Variants in JARID2 observed in about 807,000 individuals in gnomAD.
JARID2 encodes the protein jumonji and AT-rich interaction domain containing 2, also known as protein Jumonji.
JARID2 carries 21 observed loss-of-function variants against 125.6 expected under a neutral mutation model. That is an observed-to-expected ratio of 0.17 (90% CI 0.12 to 0.24). The LOEUF (loss-of-function observed/expected upper bound fraction) is 0.24, where lower values mean the gene tolerates loss of function less well. JARID2 is among the 10% of genes least tolerant of loss of function. The probability of loss-of-function intolerance (pLI) is 1.00; values close to 1 mark genes in which losing one functional copy is unlikely to be tolerated. For synonymous variants in JARID2, 736 were observed against 661.6 expected (o/e 1.11, Z -1.73); for missense variants, 1,303 against 1,639.6 (o/e 0.79, Z 3.55).
intron 9 of JARID2, 65 bp downstream of exon 9, chr6:15,504,657 A>G: frequency 9.5e-7 from 1 of 1,049,650 alleles, no homozygotes; most frequent in Non-Finnish European, 1.5e-6. Flanking sequence ...GCTGGAGGAC[A>G]TCCTGTCCTG....
intron 13 of JARID2, among the ~76,000 whole-genome samples, chr6:15,511,904 G>A (rs1316504428): frequency 1.3e-5 from 2 of 152,216 alleles, no homozygotes; most frequent in Admixed American, 1.3e-4. Flanking sequence ...TGGCTCTGGA[G>A]ATGAGCCCGG....
chr6:15,496,056 C>T, intron 6 of JARID2, 76 bp from the exon 7 acceptor site: 3 of 1,262,296 alleles, frequency 2.4e-6, no homozygotes, highest in South Asian at 2.8e-5. Context: ...GGTCCTTTCT[C>T]ACGGGTGGGC....
chr6:15,410,499 G>T, intron 3 of JARID2, 134 bp downstream of exon 3: 1 of 820,760 alleles, frequency 1.2e-6, no homozygotes, highest in Non-Finnish European at 1.9e-6. Flanking sequence ...GAATCATGAG[G>T]TTTCGTATCA....
intron 16 of JARID2, among the ~76,000 whole-genome samples, chr6:15,515,939 G>A (rs542046896): frequency 6.7e-6 from 1 of 149,426 alleles, no homozygotes; most frequent in South Asian, 2.1e-4. Flanking sequence ...GGAGGTGGAG[G>A]TTGCAGTGAG....
chr6:15,310,144 A>G (rs2127425324), intron 1 of JARID2, among the ~76,000 whole-genome samples: 1 of 152,256 alleles, frequency 6.6e-6, no homozygotes, highest in East Asian at 1.9e-4. Context: ...TGAATTCCAG[A>G]TAGGTAATTT....
At chr6:15,274,539 T>C (rs981214949) in intron 1 of JARID2, among the ~76,000 whole-genome samples, 1 of 152,244 alleles carries the variant, frequency 6.6e-6, no homozygotes, top group East Asian at 1.9e-4. Context: ...TCCAAATTTA[T>C]TTTCCTTCAT....
chr6:15,410,395 C>A, intron 3 of JARID2, 30 bp downstream of exon 3: 1 of 1,607,176 alleles, frequency 6.2e-7, no homozygotes, highest in Admixed American at 1.7e-5. Flanking sequence ...AATATTGGTA[C>A]CTTCAACCAG....
intron 1 of JARID2, among the ~76,000 whole-genome samples, chr6:15,370,868 G>A (rs947633082): frequency 6.6e-6 from 1 of 152,158 alleles, no homozygotes; most frequent in Non-Finnish European, 1.5e-5. Flanking sequence ...GAGAAAGGCA[G>A]CTTAATTGGG....
chr6:15,453,917 A>C (rs1768033814), intron 4 of JARID2, among the ~76,000 whole-genome samples: 1 of 152,138 alleles, frequency 6.6e-6, no homozygotes, highest in Non-Finnish European at 1.5e-5. Flanking sequence ...TGAGGAGCCA[A>C]GATCTGGGCA....
At chr6:15,377,029 T>C (rs1764381632) in intron 2 of JARID2, among the ~76,000 whole-genome samples, 1 of 152,136 alleles carries the variant, frequency 6.6e-6, no homozygotes, top group South Asian at 2.1e-4. Context: ...TGCTGAAAAA[T>C]CCCTTTAGTT....
intron 1 of JARID2, among the ~76,000 whole-genome samples, chr6:15,293,417 CA>C (rs1283038521): frequency 5.9e-5 from 9 of 152,164 alleles, no homozygotes; most frequent in African/African-American, 2.2e-4. Context: ...TCCATCTCAA[CA>C]AAAACCCAAA....
At chr6:15,290,359 C>T (rs1761159820) in intron 1 of JARID2, among the ~76,000 whole-genome samples, 1 of 152,152 alleles carries the variant, frequency 6.6e-6, no homozygotes, top group South Asian at 2.1e-4. Flanking sequence ...GTGTTCAAGA[C>T]TCTTTGTAGT....
chr6:15,521,286 T>A lies in JARID2; in HGVS notation c.*1035T>A, dbSNP rs773686969. 1 of 152,146 alleles carries A rather than the reference T, an allele frequency of 6.6e-6. No individual in the cohort carries two copies. Among genetic ancestry groups the A allele is most frequent in the Non-Finnish European group, 1.5e-5 (1 of 68,098 alleles). The allele number at this position is 152,146 out of a possible 1,614,324, so 9.4% of individuals were successfully genotyped here. A position where few individuals can be genotyped will look rare whatever the true frequency, so the allele number is the denominator to read the frequency against. On this transcript the variant is annotated 3_prime_UTR_variant, in exon 18 of 18. Coordinates refer to ENST00000341776, the MANE Select transcript of JARID2 (RefSeq NM_004973.4). ...CTGCAGTTATTTTTGAATGTGAAAATGCATTTGCGTTCATCTTGTCTATTT... is the reference window on the plus strand; with the variant it reads ...CTGCAGTTATTTTTGAATGTGAAAAAGCATTTGCGTTCATCTTGTCTATTT...
intron 1 of JARID2, among the ~76,000 whole-genome samples, chr6:15,345,379 T>C (rs1037093968): frequency 1.3e-5 from 2 of 152,128 alleles, no homozygotes; most frequent in Non-Finnish European, 2.9e-5. Flanking sequence ...CAATTACGAG[T>C]TGCACCTCAG....
At position 15,521,775 on chromosome 6, in the gene JARID2, A is replaced by AT. The variant is rs1771869365; in HGVS notation, c.*1527dup. On this transcript the variant is annotated 3_prime_UTR_variant, in exon 18 of 18. Coordinates refer to ENST00000341776, the MANE Select transcript of JARID2 (RefSeq NM_004973.4). ...GCAGAAGACTGAACTGTTTTGGAAT[A>AT]TTTAACAATTACAGAAACAGTCAAG... 1 of 152,218 alleles carries AT rather than the reference A, an allele frequency of 6.6e-6. No individual in the cohort carries two copies. Among genetic ancestry groups the AT allele is most frequent in the African/African-American group, 2.4e-5 (1 of 41,448 alleles). 9.4% of individuals were successfully genotyped at this position (152,218 alleles called of 1,614,324 possible).
chr6:15,396,380 T>TA (rs1263271466), intron 2 of JARID2, among the ~76,000 whole-genome samples: 1 of 152,252 alleles, frequency 6.6e-6, no homozygotes, highest in Non-Finnish European at 1.5e-5. Flanking sequence ...GCAGAAGTCT[T>TA]ATGATTTTTC....
chr6:15,251,653 T>C (rs1034203982), intron 1 of JARID2, among the ~76,000 whole-genome samples: 1 of 152,188 alleles, frequency 6.6e-6, no homozygotes, highest in African/African-American at 2.4e-5. Context: ...GGGCTTATTA[T>C]TGTAATTACA....
At chr6:15,326,504 G>A (rs959071710) in intron 1 of JARID2, among the ~76,000 whole-genome samples, 1 of 152,140 alleles carries the variant, frequency 6.6e-6, no homozygotes, top group African/African-American at 2.4e-5. Context: ...CAGTATTAAT[G>A]TTTTTATTTT....
In JARID2 at chr6:15,317,298, G is replaced by T. The variant is rs186234442; in HGVS notation, c.46-56819G>T. Among the ~76,000 whole-genome samples the T allele has an allele frequency of 3.8e-3, 580 of 152,214 alleles. 2 individuals are homozygous for T. Among genetic ancestry groups the T allele is most frequent in the Middle Eastern group, 0.024 (7 of 292 alleles). On this transcript the variant is annotated intron_variant, in intron 1 of 17. Transcript: ENST00000341776. ...TTAACATGTCAGTTTTTTCTGTTTT[G>T]CAGGAAAATGCAAGTCTCATTTAGG...
Sources: gnomAD v4.1 joint callset for allele counts (sites outside exome capture counted in the v4.1 genomes callset) on GRCh38, gnomAD v4.1.1 for gene constraint, MANE v1.5 for transcripts, NCBI Gene and HGNC (gene_info 2026-07-23, HGNC 2026-07-21) for gene names.